The following PDE1C variants were observed in gnomAD, a reference collection of about 807,000 sequenced individuals.
The protein encoded by PDE1C is phosphodiesterase 1C.
In PDE1C, 62 loss-of-function variants were observed where a neutral mutation model predicts 93.1. The observed-to-expected ratio is 0.67, with a 90% CI of 0.54 to 0.82. The LOEUF (loss-of-function observed/expected upper bound fraction) is 0.82. Among genes scored for constraint, PDE1C ranks in the 40% least tolerant of loss-of-function variants. The pLI is 0.00. For missense variants in PDE1C, 742 were observed against 884.6 expected (o/e 0.84, Z 2.04); for synonymous variants, 325 against 310.1 (o/e 1.05, Z -0.50).
chr7:31,682,289 C>T, the PDE1C span, among the ~76,000 whole-genome samples: 1 of 151,928 alleles, frequency 6.6e-6, no homozygotes, highest in Non-Finnish European at 1.5e-5. Context: ...CTGGTCTGGA[C>T]AAAATATTAT....
At chr7:31,700,689 A>T in the PDE1C span, among the ~76,000 whole-genome samples, 1 of 152,190 alleles carries the variant, frequency 6.6e-6, no homozygotes, top group Non-Finnish European at 1.5e-5. Flanking sequence ...TTCAAAGGAC[A>T]GGCCAACTCT....
At chr7:31,913,278 C>T (rs1181910533) in intron 2 of PDE1C, among the ~76,000 whole-genome samples, 1 of 152,110 alleles carries the variant, frequency 6.6e-6, no homozygotes, top group Non-Finnish European at 1.5e-5. Flanking sequence ...CTGCCAAGCA[C>T]ATGAATTTTC....
chr7:32,349,296 C>T (rs1585120697), intron 1 of PDE1C, among the ~76,000 whole-genome samples: 1 of 152,306 alleles, frequency 6.6e-6, no homozygotes, highest in African/African-American at 2.4e-5. Context: ...TGTGGCTTGT[C>T]CCTGCTCTTA....
chr7:32,320,369 G>T (rs1323889473), intron 1 of PDE1C, among the ~76,000 whole-genome samples: 1 of 152,094 alleles, frequency 6.6e-6, no homozygotes, highest in Non-Finnish European at 1.5e-5. Flanking sequence ...GGAGGAGTGG[G>T]AGGAGGGAGA....
Position 31,873,360 on chromosome 7 carries a change from C to T in PDE1C, c.541G>A (p.Gly181Arg), listed in dbSNP as rs1334630579. The change falls in exon 6 of 18, where the codon GGG (glycine) becomes AGG (arginine). Residue 181 changes from glycine to arginine, a missense_variant. Coordinates refer to ENST00000396191, the MANE Select transcript of PDE1C (RefSeq NM_001191057.4). Reference protein sequence around the residue: ...FDVFSLNEASGDHALKFIFYE... With the variant: ...FDVFSLNEASRDHALKFIFYE... ...AAAATAAATTTCAGTGCATGATCCC[C>T]ACTGGCCTCATTGAGGGAAAAGACG... is the stretch of plus-strand genomic sequence containing the variant. 2 of 1,613,812 alleles carry T rather than the reference C, an allele frequency of 1.2e-6. No homozygotes were observed. The highest frequency in any genetic ancestry group is 1.1e-5 in the South Asian group (1 of 91,066).
upstream of PDE1C, chr7:32,070,598 G>C: frequency 7.0e-7 from 1 of 1,423,412 alleles, no homozygotes; most frequent in Non-Finnish European, 9.1e-7. Flanking sequence ...GTGCGCTCCG[G>C]AGGCAGCTGC....
intron 2 of PDE1C, among the ~76,000 whole-genome samples, chr7:31,929,850 C>A (rs2088952374): frequency 6.6e-6 from 1 of 151,420 alleles, no homozygotes; most frequent in Admixed American, 6.6e-5. Flanking sequence ...TTTAATATCA[C>A]AATTAAAAGA....
chr7:32,372,899 A>G (rs1784358207), intron 1 of PDE1C, among the ~76,000 whole-genome samples: 1 of 152,246 alleles, frequency 6.6e-6, no homozygotes, highest in South Asian at 2.1e-4. Context: ...GTAAATCAAA[A>G]CCACAATATC....
the PDE1C span, chr7:31,695,428 C>A: frequency 6.5e-7 from 1 of 1,540,328 alleles, no homozygotes; most frequent in Admixed American, 2.0e-5. Flanking sequence ...GATCCTTAAT[C>A]ATGTTATATT....
chr7:32,264,402 G>A (rs545769147), intron 1 of PDE1C, among the ~76,000 whole-genome samples: 1 of 152,216 alleles, frequency 6.6e-6, no homozygotes, highest in South Asian at 2.1e-4. Flanking sequence ...TAGATTGAGG[G>A]ATTAGTTAAT....
chr7:31,673,970 G>A, the PDE1C span, among the ~76,000 whole-genome samples: 137 of 152,170 alleles, frequency 9.0e-4, no homozygotes, highest in Non-Finnish European at 1.4e-3. Context: ...AAACTTGCTG[G>A]GGCATGCATT....
the PDE1C span, among the ~76,000 whole-genome samples, chr7:31,616,789 T>TTTTTG: frequency 1.3e-5 from 2 of 151,850 alleles, no homozygotes; most frequent in African/African-American, 4.8e-5. Context: ...GGTTTCTAAA[T>TTTTTG]TTCATTTTTT....
At chr7:32,114,563 G>T (rs560501439) in intron 3 of PDE1C, among the ~76,000 whole-genome samples, 1 of 152,164 alleles carries the variant, frequency 6.6e-6, no homozygotes, top group Admixed American at 6.5e-5. Context: ...CATGAGCAAA[G>T]ATTTCATGAG....
intron 16 of PDE1C, among the ~76,000 whole-genome samples, chr7:31,794,154 A>G (rs1007198190): frequency 6.6e-6 from 1 of 151,844 alleles, no homozygotes; most frequent in Non-Finnish European, 1.5e-5. Flanking sequence ...ACAGACAGAC[A>G]GAAGACATTT....
chr7:32,329,896 G>A (rs1167580856), intron 1 of PDE1C, among the ~76,000 whole-genome samples: 1 of 152,208 alleles, frequency 6.6e-6, no homozygotes, highest in Admixed American at 6.5e-5. Context: ...AACAGCTTCA[G>A]GCTTGGAGCC....
At chr7:31,711,471 C>G in the PDE1C span, among the ~76,000 whole-genome samples, 1 of 152,204 alleles carries the variant, frequency 6.6e-6, no homozygotes, top group East Asian at 1.9e-4. Flanking sequence ...GAACTCTTAG[C>G]CTAGTGCTGT....
chr7:31,896,022 C>CAT lies in PDE1C; in HGVS notation c.129-15163_129-15162insAT, dbSNP rs772075053. 8.6e-5 allele frequency among the ~76,000 whole-genome samples: 13 copies of CAT among 151,936 alleles called. 1 individual carries two copies. Among genetic ancestry groups the CAT allele is most frequent in the Non-Finnish European group, 1.3e-4 (9 of 67,964 alleles). Reference sequence around the variant, plus strand: ...ACATACATACATACATACATACATACACACACAAACACACACACAAACTGC... The same window carrying CAT: ...ACATACATACATACATACATACATACATACACACAAACACACACACAAACTGC... On this transcript the variant is annotated intron_variant, in intron 2 of 17. Coordinates refer to ENST00000396191, the MANE Select transcript of PDE1C (RefSeq NM_001191057.4).
chr7:32,132,571 T>C (rs1006689898), intron 3 of PDE1C, among the ~76,000 whole-genome samples: 1 of 151,836 alleles, frequency 6.6e-6, no homozygotes, highest in African/African-American at 2.4e-5. Flanking sequence ...GAGGTTGAGA[T>C]AGGAGGATGG....
chr7:31,877,542 T>C (rs1469019105), intron 5 of PDE1C, among the ~76,000 whole-genome samples: 1 of 151,890 alleles, frequency 6.6e-6, no homozygotes, highest in African/African-American at 2.4e-5. Flanking sequence ...ACTCTTTTTT[T>C]TTAAATCTTG....
Sources: allele counts gnomAD v4.1 joint callset (sites outside exome capture counted in the v4.1 genomes callset), GRCh38; gene constraint gnomAD v4.1.1; transcripts MANE v1.5; gene names NCBI Gene and HGNC (gene_info 2026-07-23, HGNC 2026-07-21).